The following DIP2C variants were observed in gnomAD, a reference collection of about 807,000 sequenced individuals.
DIP2C encodes the protein DIP2 acetate--CoA ligase C (putative).
Under a neutral mutation model 192.4 loss-of-function variants are expected in DIP2C, and 33 were observed. The observed-to-expected ratio is 0.17, with a 90% CI of 0.13 to 0.23. The LOEUF (loss-of-function observed/expected upper bound fraction) is 0.23. Ranked by LOEUF, DIP2C falls within the 10% of genes least tolerant of loss-of-function variation. DIP2C has a pLI of 1.00. For missense variants in DIP2C, 1,537 were observed against 2,110.1 expected (o/e 0.73, Z 5.32); for synonymous variants, 979 against 864.1 (o/e 1.13, Z -2.33).
chr10:599,385 T>C (rs1430954288), intron 1 of DIP2C, among the ~76,000 whole-genome samples: 1 of 152,162 alleles, frequency 6.6e-6, no homozygotes. Context: ...AGCAATCTCT[T>C]TGCAATCAAA....
chr10:470,702 G>A (rs1040034814), intron 3 of DIP2C, among the ~76,000 whole-genome samples: 9 of 152,178 alleles, frequency 5.9e-5, no homozygotes, highest in African/African-American at 1.4e-4. Context: ...TAGGAAACAC[G>A]CAGTGGCGAC....
At chr10:550,379 G>C (rs1848521730) in intron 1 of DIP2C, among the ~76,000 whole-genome samples, 1 of 152,134 alleles carries the variant, frequency 6.6e-6, no homozygotes, top group African/African-American at 2.4e-5. Flanking sequence ...TGCACTTCAA[G>C]CATTCAATTA....
intron 4 of DIP2C, among the ~76,000 whole-genome samples, chr10:432,129 T>C (rs1426187857): frequency 3.3e-5 from 5 of 152,222 alleles, no homozygotes; most frequent in Admixed American, 1.3e-4. Flanking sequence ...AATATTTTGT[T>C]GAAGGTTATT....
rs891725854 is a variant in DIP2C at position 424,284 on chromosome 10, G to A, written c.395-1251C>T. On this transcript the variant is annotated intron_variant, in intron 4 of 36. Transcript: ENST00000280886. ...CTGTCACATGACTTATGCTGTCTGGGAATTTTTTTAAAAGTTTACTTGTTA... is the reference window on the plus strand; with the variant it reads ...CTGTCACATGACTTATGCTGTCTGGAAATTTTTTTAAAAGTTTACTTGTTA... Among the ~76,000 whole-genome samples, 4 of 118,658 alleles carry A rather than the reference G, an allele frequency of 3.4e-5. No individual in the cohort carries two copies. The South Asian group carries it at 1.2e-3, about 35-fold the overall frequency. The allele number at this position is 118,658 out of a possible 152,430, so 77.8% of individuals were successfully genotyped here.
chr10:539,584 T>C (rs895530201), intron 1 of DIP2C, among the ~76,000 whole-genome samples: 2 of 152,128 alleles, frequency 1.3e-5, no homozygotes, highest in African/African-American at 2.4e-5. Flanking sequence ...AATATAGAGG[T>C]TTTAAAAAGT....
intron 2 of DIP2C, among the ~76,000 whole-genome samples, chr10:477,786 G>T (rs540415359): frequency 7.3e-6 from 1 of 136,276 alleles, no homozygotes; most frequent in Admixed American, 7.4e-5. Flanking sequence ...GAAGGAGAGA[G>T]AAAGAAGGGA....
At chr10:532,526 T>A (rs1256527944) in intron 1 of DIP2C, among the ~76,000 whole-genome samples, 2 of 139,766 alleles carry the variant, frequency 1.4e-5, no homozygotes, top group Non-Finnish European at 3.2e-5. Context: ...TGTGTGGGTG[T>A]GTGAGAGAGT....
At chr10:630,735 A>G (rs1025181578) in intron 1 of DIP2C, 1 of 152,314 alleles carries the variant, frequency 6.6e-6, no homozygotes, top group Non-Finnish European at 1.5e-5. Context: ...CTTGTCCTCA[A>G]GGAACCTCAT....
chr10:457,657 G>A (rs1377406440), intron 3 of DIP2C, among the ~76,000 whole-genome samples: 1 of 152,194 alleles, frequency 6.6e-6, no homozygotes, highest in Admixed American at 6.5e-5. Flanking sequence ...CTAGGTTGAA[G>A]TGATCCTTCC....
chr10:664,443 C>G (rs1476073149), intron 1 of DIP2C: 1 of 152,196 alleles, frequency 6.6e-6, no homozygotes, highest in African/African-American at 2.4e-5. Flanking sequence ...TCACCCCCAG[C>G]GGGACCCAGG....
At chr10:572,855 C>T (rs1849912243) in intron 1 of DIP2C, among the ~76,000 whole-genome samples, 1 of 152,144 alleles carries the variant, frequency 6.6e-6, no homozygotes. Context: ...GGAAACTGCA[C>T]TCTCCAGTAA....
chr10:649,981 T>C lies in DIP2C; in HGVS notation c.85+39513A>G, dbSNP rs201187508. Reference sequence around the variant, plus strand: ...AAAACGGAAAAGGAAATGTAAGCAGTGTTTGCCGTCCAAAGTTCACATCAA... The same window carrying C: ...AAAACGGAAAAGGAAATGTAAGCAGCGTTTGCCGTCCAAAGTTCACATCAA... On this transcript the variant is annotated intron_variant, in intron 1 of 36. Transcript: ENST00000280886. 12 of 628,334 alleles carry C rather than the reference T, an allele frequency of 1.9e-5. No individual in the cohort carries two copies. In the East Asian group the frequency reaches 3.3e-4, roughly 17 times the overall value. 38.9% of individuals were successfully genotyped at this position (628,334 alleles called of 1,614,324 possible). A position where few individuals can be genotyped will look rare whatever the true frequency, so the allele number is the denominator to read the frequency against.
intron 1 of DIP2C, among the ~76,000 whole-genome samples, chr10:504,445 G>A (rs568036218): frequency 5.3e-5 from 8 of 152,288 alleles, no homozygotes; most frequent in South Asian, 4.1e-4. Flanking sequence ...CAATGTTGCC[G>A]TCAGACCTGC....
intron 1 of DIP2C, among the ~76,000 whole-genome samples, chr10:626,570 A>C (rs1463088912): frequency 6.6e-6 from 1 of 151,414 alleles, no homozygotes; most frequent in African/African-American, 2.4e-5. Context: ...TTTCCTGTTC[A>C]CCGAGAGCAT....
rs376931997 is a variant in DIP2C, at chr10:437,239, AC to A, written c.394+3631del. 2.1e-3 allele frequency among the ~76,000 whole-genome samples: 272 copies of A among 130,436 alleles called. 3 individuals carry two copies. The highest frequency in any genetic ancestry group is 7.3e-3 in the African/African-American group (249 of 34,120). The allele number at this position is 130,436 out of a possible 152,430, so 85.6% of individuals were successfully genotyped here. A position where few individuals can be genotyped will look rare whatever the true frequency, so the allele number is the denominator to read the frequency against. Reference sequence around the variant, plus strand: ...TGGATGTGGTAGGATGATATGCTCCACCCACACCTGAGGTCTCTCTGAGCTC... The same window carrying A: ...TGGATGTGGTAGGATGATATGCTCCACCACACCTGAGGTCTCTCTGAGCTC... On this transcript the variant is annotated intron_variant, in intron 4 of 36. Transcript: ENST00000280886.
intron 1 of DIP2C, among the ~76,000 whole-genome samples, chr10:619,515 AGGGCC>A (rs201373454): frequency 0.11 from 15,526 of 136,094 alleles, 1,199 homozygotes; most frequent in African/African-American, 0.28. Flanking sequence ...GCTTTATGCC[AGGGCC>A]AGGACCAAGC....
intron 1 of DIP2C, among the ~76,000 whole-genome samples, chr10:489,443 T>C (rs940053494): frequency 2.6e-5 from 4 of 152,230 alleles, no homozygotes; most frequent in Non-Finnish European, 5.9e-5. Context: ...GGTGAGAGAC[T>C]GACAGGCAGA....
At chr10:312,404 C>T (rs35750724) in intron 31 of DIP2C, among the ~76,000 whole-genome samples, 218 of 152,292 alleles carry the variant, frequency 1.4e-3, no homozygotes, top group Admixed American at 1.8e-3. Flanking sequence ...TTTTCACAGG[C>T]GCCTGGACTG....
Position 352,447 on chromosome 10 carries a change from C to T in DIP2C, c.2986-2993G>A, listed in dbSNP as rs183070715. On this transcript the variant is annotated intron_variant, in intron 24 of 36. Coordinates refer to ENST00000280886, the MANE Select transcript of DIP2C (RefSeq NM_014974.3). ...AAACAGCAAAGCTTCCAGGCACGCT[C>T]CACGAGGACGGTGCCCTTCTCAGGT... 8.5e-5 allele frequency among the ~76,000 whole-genome samples: 13 copies of T among 152,356 alleles called. No homozygotes were observed. In the East Asian group the frequency reaches 1.2e-3, roughly 14 times the overall value.
Sources: allele counts gnomAD v4.1 joint callset (sites outside exome capture counted in the v4.1 genomes callset), GRCh38; gene constraint gnomAD v4.1.1; transcripts MANE v1.5; gene names NCBI Gene and HGNC (gene_info 2026-07-23, HGNC 2026-07-21).